FHIT: variants seen among roughly 807,000 people sequenced by gnomAD.
The protein encoded by FHIT is bis(5'-adenosyl)-triphosphatase.
Under a neutral mutation model 17.9 loss-of-function variants are expected in FHIT, and 19 were observed. The ratio of observed to expected loss-of-function variants is 1.06; its 90% CI spans 0.74 to 1.56. FHIT has a LOEUF of 1.56. FHIT is among the 40% of genes most tolerant of loss of function. FHIT has a pLI of 0.00. For synonymous variants in FHIT, 81 were observed against 69.7 expected (o/e 1.16, Z -0.81); for missense variants, 248 against 189.2 (o/e 1.31, Z -1.82).
chr3:60,685,322 T>C (rs1282305203), intron 4 of FHIT, among the ~76,000 whole-genome samples: 1 of 152,164 alleles, frequency 6.6e-6, no homozygotes, highest in Non-Finnish European at 1.5e-5. Context: ...CAGGCCCAGC[T>C]AAAAAACCCT....
intron 7 of FHIT, among the ~76,000 whole-genome samples, chr3:60,010,064 A>G (rs1700081857): frequency 6.6e-6 from 1 of 152,220 alleles, no homozygotes; most frequent in Non-Finnish European, 1.5e-5. Context: ...ATTCCATCAA[A>G]TAGATATTGC....
chr3:61,027,346 C>T (rs1417695261), intron 3 of FHIT, among the ~76,000 whole-genome samples: 7 of 152,254 alleles, frequency 4.6e-5, no homozygotes, highest in Non-Finnish European at 8.8e-5. Flanking sequence ...CTCAGCCTCC[C>T]AAAGTGCTGG....
chr3:60,922,901 T>C (rs1707358623), intron 3 of FHIT, among the ~76,000 whole-genome samples: 1 of 152,276 alleles, frequency 6.6e-6, no homozygotes, highest in Non-Finnish European at 1.5e-5. Context: ...CAATTAGAGA[T>C]GCCTTTCAGC....
At chr3:60,201,656 T>C (rs1177494171) in intron 5 of FHIT, among the ~76,000 whole-genome samples, 1 of 152,178 alleles carries the variant, frequency 6.6e-6, no homozygotes, top group Non-Finnish European at 1.5e-5. Flanking sequence ...CTGAAGTTCA[T>C]GGCCTACATG....
At chr3:60,040,284 T>G (rs1228695992) in intron 5 of FHIT, among the ~76,000 whole-genome samples, 1 of 152,056 alleles carries the variant, frequency 6.6e-6, no homozygotes, top group Non-Finnish European at 1.5e-5. Flanking sequence ...TAGCTGGGAT[T>G]ACAGGCATGT....
chr3:60,467,711 T>A (rs1458456705), intron 5 of FHIT, among the ~76,000 whole-genome samples: 1 of 152,060 alleles, frequency 6.6e-6, no homozygotes, highest in Non-Finnish European at 1.5e-5. Flanking sequence ...AAAAAAATGT[T>A]TTAAGATTTG....
At chr3:60,362,084 T>A (rs1306561594) in intron 5 of FHIT, among the ~76,000 whole-genome samples, 2 of 151,728 alleles carry the variant, frequency 1.3e-5, no homozygotes, top group South Asian at 2.1e-4. Context: ...TAAAAAAAAA[T>A]AATTTTATTG....
intron 2 of FHIT, among the ~76,000 whole-genome samples, chr3:61,102,201 T>A (rs967108987): frequency 6.6e-6 from 1 of 152,192 alleles, no homozygotes; most frequent in African/African-American, 2.4e-5. Flanking sequence ...TTGTCATAAA[T>A]AGTTCTTATT....
At chr3:61,178,185 G>GT (rs1313963864) in intron 2 of FHIT, among the ~76,000 whole-genome samples, 1 of 152,128 alleles carries the variant, frequency 6.6e-6, no homozygotes, top group Admixed American at 6.6e-5. Context: ...CAGTTATTGA[G>GT]TGTTTAGATT....
At chr3:61,144,634 G>C (rs1000257119) in intron 2 of FHIT, among the ~76,000 whole-genome samples, 19 of 152,150 alleles carry the variant, frequency 1.2e-4, no homozygotes, top group Admixed American at 1.2e-3. Flanking sequence ...TTTTCCCCAA[G>C]TGGTTGCACC....
chr3:60,977,827 C>T (rs1710327713), intron 3 of FHIT, among the ~76,000 whole-genome samples: 1 of 152,070 alleles, frequency 6.6e-6, no homozygotes, highest in Non-Finnish European at 1.5e-5. Context: ...GCCGAGATCT[C>T]GCCATTGCAC....
At chr3:60,905,853 G>C (rs782711259) in intron 3 of FHIT, among the ~76,000 whole-genome samples, 7 of 152,168 alleles carry the variant, frequency 4.6e-5, no homozygotes, top group Non-Finnish European at 7.3e-5. Flanking sequence ...AGTAAAAATG[G>C]AGCTGGAAGG....
At chr3:61,147,603 C>T (rs777337628) in intron 2 of FHIT, among the ~76,000 whole-genome samples, 3 of 151,082 alleles carry the variant, frequency 2.0e-5, no homozygotes, top group African/African-American at 2.4e-5. Flanking sequence ...GGCTATTCCC[C>T]GAAGATAACA....
chr3:60,936,928 A>G (rs1480748119), intron 3 of FHIT, among the ~76,000 whole-genome samples: 1 of 152,212 alleles, frequency 6.6e-6, no homozygotes, highest in Non-Finnish European at 1.5e-5. Flanking sequence ...TGATGAGGCC[A>G]AATTGTATTC....
chr3:60,759,339 T>C (rs1699554318), intron 4 of FHIT, among the ~76,000 whole-genome samples: 3 of 152,182 alleles, frequency 2.0e-5, no homozygotes, highest in Admixed American at 2.0e-4. Context: ...GGTTGTAGCA[T>C]TTATATTTGA....
chr3:60,266,702 G>A (rs1403089037), intron 5 of FHIT, among the ~76,000 whole-genome samples: 2 of 151,946 alleles, frequency 1.3e-5, no homozygotes, highest in South Asian at 2.1e-4. Context: ...TGTTCCTGTA[G>A]AGAGTAAAAT....
At chr3:59,923,461 A>G (rs1705511368) in intron 7 of FHIT, among the ~76,000 whole-genome samples, 1 of 152,156 alleles carries the variant, frequency 6.6e-6, no homozygotes, top group South Asian at 2.1e-4. Context: ...CACCCAGGTA[A>G]TATACATAGC....
At chr3:59,919,636 TG>T (rs1705307650) in intron 8 of FHIT, among the ~76,000 whole-genome samples, 1 of 152,222 alleles carries the variant, frequency 6.6e-6, no homozygotes, top group East Asian at 1.9e-4. Context: ...ATTTATACTC[TG>T]GGGCTTCTTT....
intron 4 of FHIT, among the ~76,000 whole-genome samples, chr3:60,554,202 G>A (rs897314210): frequency 3.3e-5 from 5 of 151,284 alleles, no homozygotes; most frequent in African/African-American, 7.3e-5. Context: ...GATGGAGGCC[G>A]AGATTCGTTT....
Sources: gnomAD v4.1 joint callset for allele counts (sites outside exome capture counted in the v4.1 genomes callset) on GRCh38, gnomAD v4.1.1 for gene constraint, MANE v1.5 for transcripts, NCBI Gene and HGNC (gene_info 2026-07-23, HGNC 2026-07-21) for gene names.